ZNF469: variants seen among roughly 807,000 people sequenced by gnomAD.
The protein encoded by ZNF469 is zinc finger protein 469.
In ZNF469, 1 loss-of-function variant was observed where a neutral mutation model predicts 1.0. The observed-to-expected ratio is 1.00, with a 90% CI of 0.35 to 4.73. The LOEUF (loss-of-function observed/expected upper bound fraction) is 4.73. Ranked by LOEUF, ZNF469 falls within the 30% of genes most tolerant of loss-of-function variation. The probability of loss-of-function intolerance (pLI) is 0.16; values close to 1 mark genes in which losing one functional copy is unlikely to be tolerated. For missense variants in ZNF469, 6,100 were observed against 5,356.3 expected (o/e 1.14, Z -4.33); for synonymous variants, 2,703 against 2,363.4 (o/e 1.14, Z -4.17).
At chr16:88,248,523 C>A in the ZNF469 span, among the ~76,000 whole-genome samples, 815 of 144,036 alleles carry the variant, frequency 5.7e-3, 9 homozygotes, top group African/African-American at 0.021. Context: ...GATAGTGAGA[C>A]CCCTGTCTCA....
chr16:88,320,989 T>A, the ZNF469 span, among the ~76,000 whole-genome samples: 1 of 152,326 alleles, frequency 6.6e-6, no homozygotes, highest in East Asian at 1.9e-4. Flanking sequence ...AACAGGCGAA[T>A]GAGACACCGT....
the ZNF469 span, among the ~76,000 whole-genome samples, chr16:88,352,053 T>C: frequency 6.6e-6 from 1 of 152,118 alleles, no homozygotes; most frequent in Non-Finnish European, 1.5e-5. Flanking sequence ...ATGGTGGGAT[T>C]CCGTTTCTAG....
intron 1 of ZNF469, among the ~76,000 whole-genome samples, chr16:88,422,061 G>A (rs1905477006): frequency 6.6e-6 from 1 of 150,646 alleles, no homozygotes. Context: ...GGATGAATGG[G>A]TAGAAGGGTG....
the ZNF469 span, among the ~76,000 whole-genome samples, chr16:88,364,883 T>A: frequency 9.2e-5 from 14 of 152,174 alleles, no homozygotes; most frequent in Non-Finnish European, 1.6e-4. Context: ...GAGAATCCGT[T>A]GAACCCAAGG....
chr16:88,404,550 T>C (rs1435849278), intron 1 of ZNF469, among the ~76,000 whole-genome samples: 1 of 152,050 alleles, frequency 6.6e-6, no homozygotes, highest in East Asian at 1.9e-4. Flanking sequence ...GGGGATGTCG[T>C]CTGTGCCTGG....
At chr16:88,240,029 G>A in the ZNF469 span, among the ~76,000 whole-genome samples, 1 of 150,640 alleles carries the variant, frequency 6.6e-6, no homozygotes, top group Admixed American at 6.6e-5. Flanking sequence ...GCTCTGGCCT[G>A]TGCTCGGGGC....
intron 1 of ZNF469, among the ~76,000 whole-genome samples, chr16:88,392,745 T>G (rs1369849481): frequency 6.6e-6 from 1 of 152,234 alleles, no homozygotes; most frequent in African/African-American, 2.4e-5. Context: ...ATTTTGCTCT[T>G]GCTATTCATC....
chr16:88,251,564 T>C, the ZNF469 span, among the ~76,000 whole-genome samples: 1 of 72,566 alleles, frequency 1.4e-5, no homozygotes, highest in South Asian at 4.7e-4. Context: ...TTTTTTTTTT[T>C]TTTTTTTTTT....
At chr16:88,118,232 T>G in the ZNF469 span, among the ~76,000 whole-genome samples, 4,098 of 152,352 alleles carry the variant, frequency 0.027, 181 homozygotes, top group African/African-American at 0.093. Context: ...CGTGAACCAC[T>G]GCACCCGGCT....
At chr16:88,134,921 C>A in the ZNF469 span, among the ~76,000 whole-genome samples, 5 of 152,230 alleles carry the variant, frequency 3.3e-5, no homozygotes, top group Admixed American at 2.6e-4. Flanking sequence ...ATACCCATTG[C>A]CATTTTTCTC....
At chr16:88,418,658 C>T (rs1032171941) in intron 1 of ZNF469, among the ~76,000 whole-genome samples, 2 of 151,888 alleles carry the variant, frequency 1.3e-5, no homozygotes, top group South Asian at 2.1e-4. Context: ...TAAGACAGGA[C>T]GAACACCATT....
rs1011889055 is a variant in ZNF469 at position 88,432,010 on chromosome 16, C to T, written c.4540C>T (p.His1514Tyr). 6.5e-7 allele frequency: 1 copy of T among 1,550,238 alleles called. No homozygotes were observed. The highest frequency in any genetic ancestry group is 8.7e-7 in the Non-Finnish European group (1 of 1,146,952). ...GGAAGTATCCCCGATGCTGCCTAGC[C>T]ATTTTCCTGATCTCTCGGGGGGAAA... ...LEEVSPMLPS[H>Y]FPDLSGGKVL... Residue 1514 changes from histidine to tyrosine, a missense_variant, in exon 3 of 3, where the codon CAT becomes TAT. By Grantham distance (83) the His-to-Tyr change is moderately conservative. Coordinates refer to ENST00000565624, the MANE Select transcript of ZNF469 (RefSeq NM_001367624.2).
chr16:88,302,996 A>T, the ZNF469 span, among the ~76,000 whole-genome samples: 1 of 151,924 alleles, frequency 6.6e-6, no homozygotes, highest in Non-Finnish European at 1.5e-5. Flanking sequence ...GCCCCTGAAC[A>T]CTCCTGTCCC....
the ZNF469 span, among the ~76,000 whole-genome samples, chr16:88,173,940 G>A: frequency 2.0e-5 from 3 of 151,826 alleles, no homozygotes; most frequent in African/African-American, 4.8e-5. Flanking sequence ...AAGAAAGAAA[G>A]AACAGATGGA....
the ZNF469 span, among the ~76,000 whole-genome samples, chr16:88,133,735 A>T: frequency 6.6e-6 from 1 of 152,144 alleles, no homozygotes; most frequent in Non-Finnish European, 1.5e-5. Context: ...AAAGTTATAA[A>T]ATTCTTGTGT....
the ZNF469 span, among the ~76,000 whole-genome samples, chr16:88,201,714 A>C: frequency 6.6e-6 from 1 of 152,132 alleles, no homozygotes; most frequent in Non-Finnish European, 1.5e-5. This position sits in a 1 kb window ranked among gnomAD's most constrained non-coding sequence, Gnocchi z 5.0. Flanking sequence ...GTGTCCCTGC[A>C]ACTCCATCTT....
the ZNF469 span, among the ~76,000 whole-genome samples, chr16:88,261,043 C>T: frequency 6.6e-6 from 1 of 152,118 alleles, no homozygotes; most frequent in Admixed American, 6.5e-5. This position sits in a 1 kb window ranked among gnomAD's most constrained non-coding sequence, Gnocchi z 6.0. Flanking sequence ...GTCTGGGGGT[C>T]TTGGTGCCTG....
the ZNF469 span, among the ~76,000 whole-genome samples, chr16:88,262,917 C>A: frequency 3.9e-5 from 6 of 152,234 alleles, no homozygotes; most frequent in African/African-American, 1.2e-4. The surrounding 1 kb of genome is among the most constrained non-coding windows in gnomAD (Gnocchi z 4.3). Flanking sequence ...CAGCCTCCTA[C>A]GGATGAGCTC....
chr16:88,322,528 C>T, the ZNF469 span, among the ~76,000 whole-genome samples: 1 of 152,242 alleles, frequency 6.6e-6, no homozygotes, highest in Non-Finnish European at 1.5e-5. Context: ...TATCTCATGG[C>T]TCCAGCACAG....
Sources: allele counts gnomAD v4.1 joint callset (sites outside exome capture counted in the v4.1 genomes callset), GRCh38; gene constraint gnomAD v4.1.1; non-coding constraint Gnocchi (gnomAD v3.1); transcripts MANE v1.5; gene names NCBI Gene and HGNC (gene_info 2026-07-23, HGNC 2026-07-21).